MYH4: variants seen among roughly 807,000 people sequenced by gnomAD.
MYH4 encodes the protein myosin-4.
Under a neutral mutation model 229.9 loss-of-function variants are expected in MYH4, and 200 were observed. The observed-to-expected ratio is 0.87, with a 90% confidence interval of 0.78 to 0.98. The LOEUF (loss-of-function observed/expected upper bound fraction) is 0.98, where lower values mean the gene tolerates loss of function less well. MYH4 is among the 50% of genes least tolerant of loss of function. The probability of loss-of-function intolerance (pLI) is 0.00; values close to 1 mark genes in which losing one functional copy is unlikely to be tolerated. For synonymous variants in MYH4, 761 were observed against 834.6 expected, an observed-to-expected ratio of 0.91 and a Z score of 1.52; for missense variants, 2,148 against 2,332.6, an observed-to-expected ratio of 0.92 and a Z score of 1.63.
At position 10,466,605 on chromosome 17, in the gene MYH4, G is replaced by T; in HGVS notation, c.141C>A (p.Tyr47Ter). The T allele has an allele frequency of 6.2e-7, 1 of 1,613,968 alleles. No individual in the cohort carries two copies. The highest frequency in any genetic ancestry group is 1.3e-5 in the African/African-American group (1 of 75,004). The change falls in exon 3 of 40, where the codon TAC (tyrosine) becomes TAA (stop). Residue 47 changes from tyrosine to a stop codon, truncating the protein, a stop_gained. Transcript: ENST00000255381. LOFTEE classifies it high-confidence loss of function. ...SVFVVDPKES[Y>*]VKAIVQSREG... ...CCCTGCTCTGCACTATTGCTTTCAC[G>T]TAGGACTCCTTAGGGTCCACCACAA...
rs1173981598 is a variant in MYH4 at position 10,455,820 on chromosome 17, T to C, written c.2050A>G (p.Thr684Ala). 1 of 1,613,806 alleles carries C rather than the reference T, an allele frequency of 6.2e-7. No individual in the cohort carries two copies. ...VRCIIPNETKTPGAMEHELVL... is the reference protein window; with the variant it reads ...VRCIIPNETKAPGAMEHELVL... Reference sequence around the variant, plus strand: ...GATATCAGAAATGTCTTACCAGGAGTTTTAGTTTCATTGGGGATGATGCAC... The same window carrying C: ...GATATCAGAAATGTCTTACCAGGAGCTTTAGTTTCATTGGGGATGATGCAC... The change falls in exon 18 of 40, where the codon ACT becomes GCT. Residue 684 changes from threonine to alanine, a missense_variant. By Grantham distance (58) the Thr-to-Ala change is moderately conservative. Coordinates refer to ENST00000255381, the MANE Select transcript of MYH4 (RefSeq NM_017533.2).
chr17:10,452,787 T>G lies in MYH4; in HGVS notation c.3257A>C (p.Lys1086Thr). Reference sequence around the variant, plus strand: ...TATAGCTGAATTATACCATACTTACTTTTTGAGTTTCTCATTAAGTTGCTG... The same window carrying G: ...TATAGCTGAATTATACCATACTTACGTTTTGAGTTTCTCATTAAGTTGCTG... ...DKQQLNEKLK[K>T]KEFEMSNLQG... is the part of the protein sequence containing the mutation. Residue 1086 changes from lysine to threonine, a missense_variant and splice_region_variant, in exon 25 of 40, where the codon AAG (lysine) becomes ACG (threonine). Physicochemically the swap from Lys to Thr is moderately conservative, Grantham distance 78. Coordinates refer to ENST00000255381, the MANE Select transcript of MYH4 (RefSeq NM_017533.2). 1 of 1,601,582 alleles carries G rather than the reference T, an allele frequency of 6.2e-7. No homozygotes were observed. The highest frequency in any genetic ancestry group is 8.5e-7 in the Non-Finnish European group (1 of 1,177,388).
At chr17:10,462,757 G>A in intron 11 of MYH4, 108 bp downstream of exon 11, 1 of 853,794 alleles carries the variant, frequency 1.2e-6, no homozygotes, top group Non-Finnish European at 1.8e-6. Context: ...CCAAAGGGTT[G>A]TATTACCTAT....
rs369820942 is a variant in MYH4 at position 10,448,785 on chromosome 17, TG to T, written c.4366-3del. The T allele has an allele frequency of 2.3e-4, 377 of 1,613,682 alleles. 1 individual carries two copies. In the East Asian group the frequency reaches 8.3e-3, roughly 36 times the overall value. On this transcript the variant is annotated splice_polypyrimidine_tract_variant and splice_region_variant and intron_variant, in intron 31 of 39. Coordinates refer to ENST00000255381, the MANE Select transcript of MYH4 (RefSeq NM_017533.2). ...CTTCTGTTTCCATTCTGCCAGAACC[TG>T]GAAGTATATAGAAAATAAGCCTTTG...
chr17:10,454,978 G>C lies in MYH4; in HGVS notation c.2398C>G (p.Leu800Val). 1 of 1,614,070 alleles carries C rather than the reference G, an allele frequency of 6.2e-7. No homozygotes were observed. Among genetic ancestry groups the C allele is most frequent in the East Asian group, 2.2e-5 (1 of 44,896 alleles). ...TRTQAICRGF[L>V]MRVEFRKMME... ...ATCTTTCTGAACTCCACTCTCATCAGGAACCCTCTGCATATGGCTTGAGTG... is the reference window on the plus strand; with the variant it reads ...ATCTTTCTGAACTCCACTCTCATCACGAACCCTCTGCATATGGCTTGAGTG... Residue 800 changes from leucine (L) to valine (V), a missense_variant, in exon 21 of 40, where the codon CTG becomes GTG. Physicochemically the swap from Leu to Val is conservative, Grantham distance 32. Transcript: ENST00000255381.
At chr17:10,461,206 C>T in intron 11 of MYH4, 152 bp from the exon 12 acceptor site, 1 of 838,078 alleles carries the variant, frequency 1.2e-6, no homozygotes, top group Non-Finnish European at 1.9e-6. Flanking sequence ...TATGCTTTAC[C>T]TTTTGATCCA....
Position 10,444,866 on chromosome 17 carries a change from G to A in MYH4, c.5500C>T (p.Gln1834Ter). The A allele has an allele frequency of 6.2e-7, 1 of 1,614,102 alleles. No individual in the cohort carries two copies. The highest frequency in any genetic ancestry group is 2.2e-5 in the East Asian group (1 of 44,864). ...RELESEVESE[Q>*]KHNVEAVKGL... The stretch of plus-strand genomic sequence containing the variant: ...TTGACAGCCTCAACATTGTGCTTCT[G>A]TTCACTTTCCACCTCACTTTCAAGC... The change falls in exon 38 of 40, where the codon CAG becomes TAG. Residue 1834 changes from glutamine to a stop codon, truncating the protein, a stop_gained. Coordinates refer to ENST00000255381, the MANE Select transcript of MYH4 (RefSeq NM_017533.2). LOFTEE classifies it high-confidence loss of function.
At position 10,463,081 on chromosome 17, in the gene MYH4, G is replaced by A. The variant is rs374956800; in HGVS notation, c.904+9C>T. 39 of 1,603,052 alleles carry A rather than the reference G, an allele frequency of 2.4e-5. No individual in the cohort carries two copies. The African/African-American group carries it at 5.1e-4, about 21-fold the overall frequency. ...TCTTTGGTAGAAATAAATCAAAGAT[G>A]TGTCTTACCAATGAGCTCTGGTTTC... On this transcript the variant is annotated intron_variant, in intron 10 of 39. Transcript: ENST00000255381.
chr17:10,455,212 A>T lies in MYH4; in HGVS notation c.2258T>A (p.Ile753Asn), dbSNP rs772756428. Residue 753 changes from isoleucine (I) to asparagine (N), a missense_variant, in exon 20 of 40, where the codon ATT (isoleucine) becomes AAT (asparagine). By Grantham distance (149) the Ile-to-Asn change is moderately radical. Coordinates refer to ENST00000255381, the MANE Select transcript of MYH4 (RefSeq NM_017533.2). ...KKASEKLLGS[I>N]EIDHTQYKFG... ...TTTGTACTGGGTGTGGTCAATTTCA[A>T]TAGACCCTAGAAGTTTCTCAGAAGC... 3 of 1,614,212 alleles carry T rather than the reference A, an allele frequency of 1.9e-6. No homozygotes were observed. Among genetic ancestry groups the T allele is most frequent in the South Asian group, 1.1e-5 (1 of 91,088 alleles).
chr17:10,454,717 G>A lies in MYH4; in HGVS notation c.2529C>T (p.Leu843=), dbSNP rs199803743. 1.2e-6 allele frequency: 2 copies of A among 1,614,170 alleles called. No homozygotes were observed. The highest frequency in any genetic ancestry group is 8.5e-7 in the Non-Finnish European group (1 of 1,180,036). Reference sequence around the variant, plus strand: ...CCTTCTCTGTCTCTGCACTCTTGAGGAGGGGCTTGATCTTGAAATACAGCT... The same window carrying A: ...CCTTCTCTGTCTCTGCACTCTTGAGAAGGGGCTTGATCTTGAAATACAGCT... ...WMKLYFKIKP[L]LKSAETEKEM... The change falls in exon 22 of 40, where the codon CTC becomes CTT. Residue 843 remains leucine (L), a synonymous_variant. Transcript: ENST00000255381.
At position 10,459,875 on chromosome 17, in the gene MYH4, A is replaced by G. The variant is rs1272576226; in HGVS notation, c.1416+77T>C. On this transcript the variant is annotated intron_variant, in intron 14 of 39. Transcript: ENST00000255381. ...ATTACATTTGTATATTTTGTAAGGT[A>G]CATTTTGTAAATGTGATTTTGTATG... 4 of 1,608,988 alleles carry G rather than the reference A, an allele frequency of 2.5e-6. No homozygotes were observed. The South Asian group carries it at 4.4e-5, about 18-fold the overall frequency.
chr17:10,450,705 C>T, intron 29 of MYH4, 56 bp from the exon 30 acceptor site: 4 of 1,610,986 alleles, frequency 2.5e-6, no homozygotes, highest in Non-Finnish European at 3.4e-6. Flanking sequence ...TTGAAATTCT[C>T]TATGCAAAGT....
Position 10,460,984 on chromosome 17 carries a change from A to C in MYH4, c.1079T>G (p.Met360Arg), listed in dbSNP as rs754065011. 6 of 1,613,986 alleles carry C rather than the reference A, an allele frequency of 3.7e-6. No homozygotes were observed. In the African/African-American group the frequency reaches 6.7e-5, roughly 18 times the overall value. Residue 360 changes from methionine to arginine, a missense_variant, in exon 12 of 40, where the codon ATG becomes AGG. Physicochemically the swap from Met to Arg is moderately conservative, Grantham distance 91. Coordinates refer to ENST00000255381, the MANE Select transcript of MYH4 (RefSeq NM_017533.2). The stretch of plus-strand genomic sequence containing the variant: ...CTTGAATTTCATGTTCCCATAATGC[A>C]TCACGGCTCCAGTGAGCTTGTAAAT... Reference protein sequence around the residue: ...VAIYKLTGAVMHYGNMKFKQK... With the variant: ...VAIYKLTGAVRHYGNMKFKQK...
chr17:10,463,971 A>G (rs1208185761), intron 7 of MYH4, among the ~76,000 whole-genome samples: 1 of 152,204 alleles, frequency 6.6e-6, no homozygotes, highest in Non-Finnish European at 1.5e-5. Flanking sequence ...CATCACTTGC[A>G]ATTGGCTGCT....
chr17:10,450,660 C>G lies in MYH4; in HGVS notation c.3985-11G>C. ...CAGAGTGCTCTTGGCCTAGACCAAC[C>G]AAAAACTATGTGATATAAGTTTATC... On this transcript the variant is annotated splice_polypyrimidine_tract_variant and intron_variant, in intron 29 of 39. Coordinates refer to ENST00000255381, the MANE Select transcript of MYH4 (RefSeq NM_017533.2). 6.2e-7 allele frequency: 1 copy of G among 1,613,130 alleles called. No individual in the cohort carries two copies. The highest frequency in any genetic ancestry group is 8.5e-7 in the Non-Finnish European group (1 of 1,179,580).
Position 10,446,009 on chromosome 17 carries a change from CAG to C in MYH4, c.5170-649_5170-648del, listed in dbSNP as rs1440490739. 3.9e-5 allele frequency among the ~76,000 whole-genome samples: 4 copies of C among 102,252 alleles called. No homozygotes were observed. The East Asian group carries it at 9.7e-4, about 25-fold the overall frequency. 67.1% of individuals were successfully genotyped at this position (102,252 alleles called of 152,430 possible). Reference sequence around the variant, plus strand: ...CACCACTGCACTCCAGCCTGGGTGACAGAGTGAGACCCCTTCTCAAAAAAAAA... The same window carrying C: ...CACCACTGCACTCCAGCCTGGGTGACAGTGAGACCCCTTCTCAAAAAAAAA... On this transcript the variant is annotated intron_variant, in intron 35 of 39. Transcript: ENST00000255381.
Position 10,464,538 on chromosome 17 carries a change from C to T in MYH4, c.582G>A (p.Gln194=). ...GKTVNTKRVI[Q]YFATIAVTGE... ...CAGTAACTGCAATTGTTGCAAAGTA[C>T]TGGATGACACGCTTCGTGTTCACAG... Residue 194 remains glutamine, a synonymous_variant, in exon 7 of 40, where the codon CAG becomes CAA. Transcript: ENST00000255381. 1 of 1,614,082 alleles carries T rather than the reference C, an allele frequency of 6.2e-7. No individual in the cohort carries two copies. Among genetic ancestry groups the T allele is most frequent in the South Asian group, 1.1e-5 (1 of 91,066 alleles).
Position 10,444,911 on chromosome 17 carries a change from C to G in MYH4, c.5467-12G>C. 3.7e-6 allele frequency: 6 copies of G among 1,614,106 alleles called. No individual in the cohort carries two copies. The highest frequency in any genetic ancestry group is 5.1e-6 in the Non-Finnish European group (6 of 1,180,016). Reference sequence around the variant, plus strand: ...TCAAGCTCTCTCACCTGGAAGGGAACAAAGACGTTTACCAGTTTGGCTGTA... The same window carrying G: ...TCAAGCTCTCTCACCTGGAAGGGAAGAAAGACGTTTACCAGTTTGGCTGTA... On this transcript the variant is annotated splice_polypyrimidine_tract_variant and intron_variant, in intron 37 of 39. Coordinates refer to ENST00000255381, the MANE Select transcript of MYH4 (RefSeq NM_017533.2).
rs376588400 is a variant in MYH4 at position 10,452,082 on chromosome 17, C to T, written c.3597G>A (p.Lys1199=). 5 of 1,613,888 alleles carry T rather than the reference C, an allele frequency of 3.1e-6. No homozygotes were observed. The highest frequency in any genetic ancestry group is 1.3e-5 in the African/African-American group (1 of 74,912). The change falls in exon 27 of 40, where the codon AAG becomes AAA. Residue 1199 remains lysine, a synonymous_variant. Coordinates refer to ENST00000255381, the MANE Select transcript of MYH4 (RefSeq NM_017533.2). ...HEATAAALRK[K]HADSVAELGE... is the part of the protein sequence containing the mutation. The stretch of plus-strand genomic sequence containing the variant: ...CAAGCTCAGCCACACTATCTGCGTG[C>T]TTCTTCCGAAGAGCAGCTGCCGTGG...
Sources: gnomAD v4.1 joint callset for allele counts (sites outside exome capture counted in the v4.1 genomes callset) on GRCh38, gnomAD v4.1.1 for gene constraint, MANE v1.5 for transcripts, NCBI Gene and HGNC (gene_info 2026-07-23, HGNC 2026-07-21) for gene names.